Variants in EPB41L4A observed in about 807,000 individuals in gnomAD.
EPB41L4A encodes erythrocyte membrane protein band 4.1 like 4A.
In EPB41L4A, 100 loss-of-function variants were observed where a neutral mutation model predicts 108.6. That is an observed-to-expected ratio of 0.92 (90% CI 0.78 to 1.09). The LOEUF is 1.09. EPB41L4A is among the 50% of genes least tolerant of loss of function. The probability of loss-of-function intolerance (pLI) is 0.00; values close to 1 mark genes in which losing one functional copy is unlikely to be tolerated. For missense variants in EPB41L4A, 1,030 were observed against 842.7 expected, an observed-to-expected ratio of 1.22 and a Z score of -2.75; for synonymous variants, 319 against 289.0, an observed-to-expected ratio of 1.10 and a Z score of -1.05.
intron 12 of EPB41L4A, among the ~76,000 whole-genome samples, chr5:112,231,200 C>A (rs1432684563): frequency 6.6e-6 from 1 of 152,112 alleles, no homozygotes; most frequent in Non-Finnish European, 1.5e-5. Context: ...ATCTATACAG[C>A]AGAAAATCAT....
At chr5:112,186,214 C>A (rs761929215) in intron 17 of EPB41L4A, among the ~76,000 whole-genome samples, 1 of 152,184 alleles carries the variant, frequency 6.6e-6, no homozygotes, top group African/African-American at 2.4e-5. Context: ...GAAGTCGGGG[C>A]GTCTAAATAT....
At chr5:112,387,444 G>A (rs992967692) in intron 1 of EPB41L4A, among the ~76,000 whole-genome samples, 4 of 152,106 alleles carry the variant, frequency 2.6e-5, no homozygotes, top group Non-Finnish European at 5.9e-5. Context: ...GGCTAACACA[G>A]TAAAACCCTG....
At chr5:112,178,883 A>G (rs952256001) in intron 18 of EPB41L4A, among the ~76,000 whole-genome samples, 1 of 151,882 alleles carries the variant, frequency 6.6e-6, no homozygotes, top group Non-Finnish European at 1.5e-5. Flanking sequence ...ACAAAATAAA[A>G]AGAATAAAAA....
At chr5:112,276,454 T>G (rs758206235) in intron 3 of EPB41L4A, among the ~76,000 whole-genome samples, 17 of 152,180 alleles carry the variant, frequency 1.1e-4, no homozygotes, top group Middle Eastern at 6.3e-3. Flanking sequence ...TTTCCAAAAG[T>G]GCATATTTCC....
At chr5:112,265,078 A>G in intron 5 of EPB41L4A, 62 bp from the exon 6 acceptor site, 2 of 1,366,706 alleles carry the variant, frequency 1.5e-6, no homozygotes, top group Non-Finnish European at 2.0e-6. Flanking sequence ...AAACATAGAA[A>G]TAAAATATTC....
chr5:112,169,756 A>AACTGTGG (rs1220504480), intron 20 of EPB41L4A, among the ~76,000 whole-genome samples: 1 of 152,182 alleles, frequency 6.6e-6, no homozygotes, highest in Non-Finnish European at 1.5e-5. Flanking sequence ...CCTGCTATTT[A>AACTGTGG]ACTGTGGTGG....
At chr5:112,331,705 G>A (rs904029523) in intron 1 of EPB41L4A, among the ~76,000 whole-genome samples, 1 of 152,178 alleles carries the variant, frequency 6.6e-6, no homozygotes, top group African/African-American at 2.4e-5. Flanking sequence ...CAGGATGCAG[G>A]ATCTTCGCAA....
intron 2 of EPB41L4A, among the ~76,000 whole-genome samples, chr5:112,286,326 A>G (rs890608813): frequency 1.3e-5 from 2 of 152,156 alleles, no homozygotes; most frequent in African/African-American, 4.8e-5. Flanking sequence ...GGAGCTGAAC[A>G]TAACTGGAGG....
intron 1 of EPB41L4A, among the ~76,000 whole-genome samples, chr5:112,409,054 G>A (rs566291707): frequency 1.3e-5 from 2 of 152,208 alleles, no homozygotes; most frequent in South Asian, 4.2e-4. Flanking sequence ...AATACTATTT[G>A]TAATAGCCAA....
intron 9 of EPB41L4A, 80 bp from the exon 10 acceptor site, chr5:112,240,890 G>T (rs893204032): frequency 1.3e-6 from 1 of 782,830 alleles, no homozygotes. Flanking sequence ...CCCCCTTTAA[G>T]TAACAAAAAT....
At chr5:112,243,275 G>GTGTATA (rs1554083451) in intron 9 of EPB41L4A, among the ~76,000 whole-genome samples, 2,205 of 130,656 alleles carry the variant, frequency 0.017, 127 homozygotes, top group African/African-American at 0.058. Context: ...ATATGTGTGT[G>GTGTATA]TATATATATA....
chr5:112,293,843 C>A (rs1019698958), intron 2 of EPB41L4A, among the ~76,000 whole-genome samples: 1 of 152,180 alleles, frequency 6.6e-6, no homozygotes. Flanking sequence ...AGAGGGCACA[C>A]CCACTCTAAA....
At chr5:112,325,285 C>T (rs1756073462) in intron 1 of EPB41L4A, among the ~76,000 whole-genome samples, 1 of 151,730 alleles carries the variant, frequency 6.6e-6, no homozygotes, top group Admixed American at 6.6e-5. Flanking sequence ...ACTAAAAATA[C>T]AAAAAATTAG....
At chr5:112,238,769 A>G (rs1749547935) in intron 11 of EPB41L4A, among the ~76,000 whole-genome samples, 1 of 152,212 alleles carries the variant, frequency 6.6e-6, no homozygotes, top group East Asian at 1.9e-4. Flanking sequence ...AGAAGTGGGT[A>G]GATCTGATTC....
At chr5:112,352,378 A>G (rs1368450969) in intron 1 of EPB41L4A, among the ~76,000 whole-genome samples, 1 of 152,222 alleles carries the variant, frequency 6.6e-6, no homozygotes, top group Non-Finnish European at 1.5e-5. Flanking sequence ...GTCACTCAGG[A>G]GCATGTTCTT....
At chr5:112,280,121 C>G (rs927521978) in intron 3 of EPB41L4A, 151 bp downstream of exon 3, 4 of 686,868 alleles carry the variant, frequency 5.8e-6, no homozygotes, top group African/African-American at 5.3e-5. Flanking sequence ...CCTAGCAATG[C>G]ACACAATACA....
intron 1 of EPB41L4A, among the ~76,000 whole-genome samples, chr5:112,344,596 C>A (rs1462387504): frequency 6.6e-6 from 1 of 152,202 alleles, no homozygotes; most frequent in African/African-American, 2.4e-5. Context: ...AAGCTGTTTA[C>A]GAGATTATCC....
chr5:112,405,850 T>G (rs1234282885), intron 1 of EPB41L4A, among the ~76,000 whole-genome samples: 1 of 152,106 alleles, frequency 6.6e-6, no homozygotes, highest in Admixed American at 6.5e-5. Flanking sequence ...TAAATAAATG[T>G]CTCCCCACCT....
intron 4 of EPB41L4A, among the ~76,000 whole-genome samples, chr5:112,270,446 A>G (rs1250280027): frequency 6.6e-6 from 1 of 152,196 alleles, no homozygotes; most frequent in African/African-American, 2.4e-5. Flanking sequence ...AAAGGGAAAC[A>G]TTTAAATCAT....
Sources: gnomAD v4.1 joint callset for allele counts (sites outside exome capture counted in the v4.1 genomes callset) on GRCh38, gnomAD v4.1.1 for gene constraint, MANE v1.5 for transcripts, NCBI Gene and HGNC (gene_info 2026-07-23, HGNC 2026-07-21) for gene names.